XRRA1: variants seen among roughly 807,000 people sequenced by gnomAD.
XRRA1 encodes the protein X-ray radiation resistance associated 1.
XRRA1 carries 69 observed loss-of-function variants against 80.2 expected under a neutral mutation model. That is an observed-to-expected ratio of 0.86 (90% confidence interval 0.71 to 1.05). The LOEUF is 1.05. XRRA1 is among the 50% of genes least tolerant of loss of function. The pLI, the probability that XRRA1 is intolerant of heterozygous loss-of-function variation, is 0.00. For missense variants in XRRA1, 967 were observed against 976.4 expected, an observed-to-expected ratio of 0.99 and a Z score of 0.13; for synonymous variants, 348 against 389.9, an observed-to-expected ratio of 0.89 and a Z score of 1.27.
chr11:74,859,262 G>C lies in XRRA1; in HGVS notation c.1066C>G (p.Pro356Ala). The C allele has an allele frequency of 6.2e-7, 1 of 1,608,296 alleles. No homozygotes were observed. Among genetic ancestry groups the C allele is most frequent in the Non-Finnish European group, 8.5e-7 (1 of 1,177,966 alleles). ...ACAGGAAGGATCTCGAATATGGGAG[G>C]AAGTGAACATATCTTGGTTGTCTTA... ...TSETTKICSLPPIFEILPVKS... is the reference protein window; with the variant it reads ...TSETTKICSLAPIFEILPVKS... Residue 356 changes from proline (P) to alanine (A), a missense_variant, in exon 12 of 19, where the codon CCT (proline) becomes GCT (alanine). By Grantham distance (27) the Pro-to-Ala change is conservative. Transcript: ENST00000684022.
intron 10 of XRRA1, chr11:74,863,319 C>T (rs765816860): frequency 7.3e-5 from 31 of 425,690 alleles, no homozygotes; most frequent in Non-Finnish European, 1.2e-4. Context: ...CCCTCATTCA[C>T]TGTATTTCAG....
intron 10 of XRRA1, among the ~76,000 whole-genome samples, chr11:74,870,181 G>A (rs571938050): frequency 3.4e-4 from 52 of 152,322 alleles, no homozygotes; most frequent in African/African-American, 1.2e-3. Context: ...AGGCTTGCTC[G>A]GGAGAACTTA....
At chr11:74,893,874 G>A (rs767810642) in intron 10 of XRRA1, among the ~76,000 whole-genome samples, 13 of 152,148 alleles carry the variant, frequency 8.5e-5, no homozygotes, top group Non-Finnish European at 1.3e-4. Flanking sequence ...ATTACTATTG[G>A]ATCCAGCAAT....
Position 74,852,054 on chromosome 11 carries a change from A to C in XRRA1, c.1199T>G (p.Val400Gly), listed in dbSNP as rs1449780761. The C allele has an allele frequency of 3.1e-6, 5 of 1,613,830 alleles. No homozygotes were observed. Among genetic ancestry groups the C allele is most frequent in the Non-Finnish European group, 4.2e-6 (5 of 1,179,864 alleles). The change falls in exon 13 of 19, where the codon GTA becomes GGA. Residue 400 changes from valine to glycine, a missense_variant. Transcript: ENST00000684022. Reference protein sequence around the residue: ...KIAKEDAVLPVALFPSLCEFV... With the variant: ...KIAKEDAVLPGALFPSLCEFV... The stretch of plus-strand genomic sequence containing the variant: ...CTCGCAGAGAGATGGGAAGAGAGCT[A>C]CTGGTAGGACAGCATCCTCTTTTGC...
At chr11:74,940,054 T>C (rs1299060836) in intron 3 of XRRA1, among the ~76,000 whole-genome samples, 1 of 152,196 alleles carries the variant, frequency 6.6e-6, no homozygotes, top group South Asian at 2.1e-4. Context: ...ATATTCCATA[T>C]ACAGAGTGAC....
intron 10 of XRRA1, among the ~76,000 whole-genome samples, chr11:74,882,028 G>A (rs1253690278): frequency 6.9e-6 from 1 of 145,598 alleles, no homozygotes; most frequent in Non-Finnish European, 1.5e-5. Flanking sequence ...GGCGTTCTCT[G>A]TATTTCCTGA....
At chr11:74,859,471 T>G (rs989049653) in intron 11 of XRRA1, among the ~76,000 whole-genome samples, 188 bp from the exon 12 acceptor site, 6 of 152,148 alleles carry the variant, frequency 3.9e-5, no homozygotes, top group Non-Finnish European at 8.8e-5. Flanking sequence ...CAAGTTCTCT[T>G]AGGAGAATTA....
At chr11:74,890,665 T>C (rs1169366075) in intron 10 of XRRA1, among the ~76,000 whole-genome samples, 1 of 151,808 alleles carries the variant, frequency 6.6e-6, no homozygotes, top group Non-Finnish European at 1.5e-5. Flanking sequence ...GCAAGACTAA[T>C]AAAGAAGAAA....
chr11:74,940,678 A>G (rs1364109605), intron 3 of XRRA1, 107 bp downstream of exon 3: 1 of 884,388 alleles, frequency 1.1e-6, no homozygotes, highest in East Asian at 2.7e-5. Context: ...GATTAGGTAG[A>G]GCAGGGAACA....
At chr11:74,879,478 C>A (rs1269778739) in intron 10 of XRRA1, among the ~76,000 whole-genome samples, 1 of 151,836 alleles carries the variant, frequency 6.6e-6, no homozygotes, top group Non-Finnish European at 1.5e-5. Flanking sequence ...CCTAATTGCC[C>A]TGGCCAGAAC....
At chr11:74,860,656 T>C (rs984208020) in intron 11 of XRRA1, among the ~76,000 whole-genome samples, 16 of 152,250 alleles carry the variant, frequency 1.1e-4, no homozygotes, top group Non-Finnish European at 1.3e-4. Context: ...GACTGTTTAA[T>C]GGTCACAAGC....
chr11:74,927,490 T>C lies in XRRA1; in HGVS notation c.425-2A>G. On this transcript the variant is annotated splice_acceptor_variant, in intron 6 of 18. Transcript: ENST00000684022. LOFTEE classifies it high-confidence loss of function. ...GGGCTGGAAACGTGTGAAATGCCTC[T>C]ACATGGGGAAGAGAAAGAGAGAGTC... is the stretch of plus-strand genomic sequence containing the variant. The C allele has an allele frequency of 1.3e-6, 2 of 1,598,070 alleles. No homozygotes were observed. The highest frequency in any genetic ancestry group is 1.7e-5 in the Admixed American group (1 of 59,950).
chr11:74,872,284 C>G (rs1434038047), intron 10 of XRRA1, among the ~76,000 whole-genome samples: 1 of 152,150 alleles, frequency 6.6e-6, no homozygotes, highest in Non-Finnish European at 1.5e-5. Flanking sequence ...TTATCCCCTA[C>G]TCAGTCAAGG....
At chr11:74,878,730 C>T (rs1316863004) in intron 10 of XRRA1, among the ~76,000 whole-genome samples, 1 of 149,408 alleles carries the variant, frequency 6.7e-6, no homozygotes, top group African/African-American at 2.5e-5. Flanking sequence ...AATCCTTTCC[C>T]CATTGCTTGT....
intron 10 of XRRA1, among the ~76,000 whole-genome samples, chr11:74,866,240 T>A (rs78526371): frequency 0.022 from 3,376 of 152,224 alleles, 119 homozygotes; most frequent in African/African-American, 0.076. Flanking sequence ...TGGGTTTTTT[T>A]ATTTTTTTTG....
chr11:74,930,481 G>GAATATAT (rs1943255431), intron 5 of XRRA1, 109 bp from the exon 6 acceptor site: 1 of 818,162 alleles, frequency 1.2e-6, no homozygotes, highest in East Asian at 2.7e-5. Context: ...AGACCTAAAG[G>GAATATAT]AATAAGGGAC....
At chr11:74,881,193 A>T (rs2047475221) in intron 10 of XRRA1, among the ~76,000 whole-genome samples, 1 of 151,000 alleles carries the variant, frequency 6.6e-6, no homozygotes, top group Non-Finnish European at 1.5e-5. Context: ...TTCTTGTTGA[A>T]TTGATCCCTT....
chr11:74,848,189 T>G lies in XRRA1; in HGVS notation c.1654A>C (p.Thr552Pro). The change falls in exon 15 of 19, where the codon ACA (threonine) becomes CCA (proline). Residue 552 changes from threonine to proline, a missense_variant. Coordinates refer to ENST00000684022, the MANE Select transcript of XRRA1 (RefSeq NM_001378157.1). ...CGCTCTGGGCTGAGGCGGACAGTTG[T>G]GTCACTCAGGTGGGACAGGGTCTCT... ...SEETLSHLSD[T>P]TVRLSPERPS... The G allele has an allele frequency of 1.2e-6, 2 of 1,613,812 alleles. No homozygotes were observed. The highest frequency in any genetic ancestry group is 8.5e-7 in the Non-Finnish European group (1 of 1,179,876).
At chr11:74,885,698 CCTAA>C (rs1020375993) in intron 10 of XRRA1, among the ~76,000 whole-genome samples, 3 of 152,150 alleles carry the variant, frequency 2.0e-5, no homozygotes, top group African/African-American at 7.2e-5. Flanking sequence ...AGGACTCCTC[CCTAA>C]CTCATTCTTT....
Sources: gnomAD v4.1 joint callset for allele counts (sites outside exome capture counted in the v4.1 genomes callset) on GRCh38, gnomAD v4.1.1 for gene constraint, MANE v1.5 for transcripts, NCBI Gene and HGNC (gene_info 2026-07-23, HGNC 2026-07-21) for gene names.